Variants in TENM4 observed in about 807,000 individuals in gnomAD.
The protein encoded by TENM4 is teneurin-4.
A neutral mutation model predicts 243.3 loss-of-function variants in TENM4; 82 were observed. That is an observed-to-expected ratio of 0.34 (90% CI 0.28 to 0.40). The LOEUF is 0.40. TENM4 is among the 10% of genes least tolerant of loss of function. TENM4 has a pLI of 1.00. For missense variants in TENM4, 3,138 were observed against 3,673.3 expected (o/e 0.85, Z 3.77); for synonymous variants, 1,412 against 1,456.3 (o/e 0.97, Z 0.69).
At chr11:79,323,865 A>G (rs1403626947) in intron 1 of TENM4, among the ~76,000 whole-genome samples, 9 of 148,142 alleles carry the variant, frequency 6.1e-5, no homozygotes, top group Non-Finnish European at 1.2e-4. Flanking sequence ...CAATCAATCT[A>G]TTTTTCTCCA....
intron 12 of TENM4, among the ~76,000 whole-genome samples, chr11:78,821,261 A>G (rs913886350): frequency 4.6e-5 from 7 of 152,382 alleles, no homozygotes; most frequent in Middle Eastern, 3.4e-3. Context: ...AATTTTACCA[A>G]TAAGACTGTG....
intron 3 of TENM4, among the ~76,000 whole-genome samples, chr11:79,168,122 A>T (rs1862957467): frequency 6.6e-6 from 1 of 152,218 alleles, no homozygotes; most frequent in Non-Finnish European, 1.5e-5. Flanking sequence ...GGAGCCTGAG[A>T]TGGGCTCTGG....
chr11:79,230,807 G>A (rs1359073064), intron 2 of TENM4, among the ~76,000 whole-genome samples: 1 of 152,196 alleles, frequency 6.6e-6, no homozygotes, highest in East Asian at 1.9e-4. Flanking sequence ...GAGTTTTAAA[G>A]GCAAGTTACT....
chr11:79,390,715 C>T (rs1858214315), intron 1 of TENM4, among the ~76,000 whole-genome samples: 1 of 152,222 alleles, frequency 6.6e-6, no homozygotes, highest in Non-Finnish European at 1.5e-5. Context: ...ATGTAAGCTC[C>T]TGAAGGCCAG....
At chr11:79,413,212 T>C (rs540505796) in intron 1 of TENM4, among the ~76,000 whole-genome samples, 1 of 152,350 alleles carries the variant, frequency 6.6e-6, no homozygotes, top group Non-Finnish European at 1.5e-5. Flanking sequence ...GTTCCAAATC[T>C]GCCCTCATTT....
intron 6 of TENM4, among the ~76,000 whole-genome samples, chr11:78,943,038 G>A (rs1198265545): frequency 6.6e-6 from 1 of 152,160 alleles, no homozygotes; most frequent in Non-Finnish European, 1.5e-5. Context: ...TCCTGCGAGG[G>A]TCTTTAGGAC....
chr11:79,237,228 C>T (rs188157130), intron 2 of TENM4, among the ~76,000 whole-genome samples: 67 of 152,226 alleles, frequency 4.4e-4, no homozygotes, highest in Middle Eastern at 6.8e-3. Context: ...ACATACATTG[C>T]GCCTTAAAGA....
At chr11:79,066,872 T>A (rs1305097576) in intron 5 of TENM4, among the ~76,000 whole-genome samples, 1 of 152,210 alleles carries the variant, frequency 6.6e-6, no homozygotes, top group East Asian at 1.9e-4. Flanking sequence ...CAAGCTGCTA[T>A]GCTAGGCTGT....
In TENM4 at chr11:79,331,994, C is replaced by T. The variant is rs1362495867; in HGVS notation, c.-320-34451G>A. On this transcript the variant is annotated intron_variant, in intron 1 of 33. Transcript: ENST00000278550. ...ATCAGCCAGAGGAGACAATGATTTG[C>T]ATTACAAGAGGATGCTTTGCTTTAA... Among the ~76,000 whole-genome samples the T allele has an allele frequency of 4.6e-5, 7 of 152,236 alleles. No individual in the cohort carries two copies. The South Asian group carries it at 1.2e-3, about 27-fold the overall frequency.
chr11:79,255,673 A>G (rs1855689685), intron 2 of TENM4, among the ~76,000 whole-genome samples: 1 of 152,274 alleles, frequency 6.6e-6, no homozygotes, highest in Non-Finnish European at 1.5e-5. Context: ...TCCCAGCTAC[A>G]GGCAGAAAGA....
chr11:79,418,724 C>T (rs1167521651), intron 1 of TENM4, among the ~76,000 whole-genome samples: 1 of 152,246 alleles, frequency 6.6e-6, no homozygotes, highest in Non-Finnish European at 1.5e-5. Context: ...CTGACTGCCC[C>T]CATGCAGAGG....
chr11:78,886,789 G>A (rs1372868793), intron 9 of TENM4, among the ~76,000 whole-genome samples: 3 of 152,124 alleles, frequency 2.0e-5, no homozygotes, highest in Non-Finnish European at 2.9e-5. Flanking sequence ...CAAGTATTTC[G>A]ACACAGACAC....
intron 4 of TENM4, among the ~76,000 whole-genome samples, chr11:79,148,187 T>C (rs1253020638): frequency 1.3e-5 from 2 of 152,036 alleles, no homozygotes; most frequent in East Asian, 3.9e-4. Context: ...GAAACCAACT[T>C]ATGAGAAATG....
At chr11:79,384,799 G>C (rs546708709) in intron 1 of TENM4, among the ~76,000 whole-genome samples, 5 of 151,872 alleles carry the variant, frequency 3.3e-5, no homozygotes, top group Admixed American at 2.0e-4. Context: ...AGTGGCAGGT[G>C]CCTATAATCC....
At chr11:79,387,315 T>C (rs1454528290) in intron 1 of TENM4, among the ~76,000 whole-genome samples, 1 of 152,212 alleles carries the variant, frequency 6.6e-6, no homozygotes, top group Non-Finnish European at 1.5e-5. Context: ...AAAGTTCTGG[T>C]TACATTGGTA....
intron 5 of TENM4, among the ~76,000 whole-genome samples, chr11:79,065,788 C>CTGGGGAGGACA (rs71050205): frequency 0.59 from 89,403 of 151,642 alleles, 26,755 homozygotes; most frequent in African/African-American, 0.64. Context: ...AGGACAGAGG[C>CTGGGGAGGACA]TGGGTAAGAG....
At chr11:78,989,128 C>T (rs1400226944) in intron 6 of TENM4, among the ~76,000 whole-genome samples, 1 of 152,192 alleles carries the variant, frequency 6.6e-6, no homozygotes, top group Non-Finnish European at 1.5e-5. Flanking sequence ...AAATTTGCAA[C>T]TTGTTTATTA....
rs144686128 is a variant in TENM4 at position 79,121,774 on chromosome 11, G to A, written c.-66+26936C>T. The stretch of plus-strand genomic sequence containing the variant: ...AGCAGGTGGTGGTGGAAAGAGTTTG[G>A]AGTTTAACAATACTGGATAGGAATT... On this transcript the variant is annotated intron_variant, in intron 4 of 33. Transcript: ENST00000278550. 5.7e-3 allele frequency among the ~76,000 whole-genome samples: 861 copies of A among 152,270 alleles called. 11 individuals are homozygous for A. The highest frequency in any genetic ancestry group is 0.02 in the African/African-American group (813 of 41,538).
chr11:78,889,467 C>G (rs1855614455), intron 9 of TENM4, among the ~76,000 whole-genome samples: 2 of 152,214 alleles, frequency 1.3e-5, no homozygotes, highest in Admixed American at 1.3e-4. Flanking sequence ...GACACTTATG[C>G]CATAGATCCC....
Sources: gnomAD v4.1 joint callset for allele counts (sites outside exome capture counted in the v4.1 genomes callset) on GRCh38, gnomAD v4.1.1 for gene constraint, MANE v1.5 for transcripts, NCBI Gene and HGNC (gene_info 2026-07-23, HGNC 2026-07-21) for gene names.